GRIN2A: variants seen among roughly 807,000 people sequenced by gnomAD.
GRIN2A encodes glutamate receptor ionotropic, NMDA 2A.
In GRIN2A, 22 loss-of-function variants were observed where a neutral mutation model predicts 113.4. That is an observed-to-expected ratio of 0.19 (90% CI 0.14 to 0.28). The LOEUF (loss-of-function observed/expected upper bound fraction) is 0.28. Among genes scored for constraint, GRIN2A ranks in the 10% least tolerant of loss-of-function variants. The pLI is 1.00. For missense variants in GRIN2A, 1,502 were observed against 1,887.0 expected (o/e 0.80, Z 3.78); for synonymous variants, 827 against 738.4 (o/e 1.12, Z -1.94).
chr16:10,116,183 G>A (rs1328979427), intron 2 of GRIN2A, among the ~76,000 whole-genome samples: 1 of 152,164 alleles, frequency 6.6e-6, no homozygotes, highest in Non-Finnish European at 1.5e-5. Flanking sequence ...CATGGATGAA[G>A]CTGGAAGCCA....
chr16:9,955,287 G>A (rs555775865), intron 2 of GRIN2A, among the ~76,000 whole-genome samples: 11 of 152,018 alleles, frequency 7.2e-5, no homozygotes, highest in South Asian at 2.1e-4. Flanking sequence ...ATGACCTCTC[G>A]GCCACCTTGT....
intron 11 of GRIN2A, among the ~76,000 whole-genome samples, chr16:9,790,717 G>A (rs569790550): frequency 6.6e-6 from 1 of 152,202 alleles, no homozygotes; most frequent in African/African-American, 2.4e-5. Context: ...GAGGTATCTA[G>A]TGTCCTTTCT....
intron 2 of GRIN2A, among the ~76,000 whole-genome samples, chr16:10,084,441 C>T (rs2048046172): frequency 2.0e-5 from 3 of 152,292 alleles, no homozygotes; most frequent in South Asian, 4.1e-4. Flanking sequence ...GGGTCCAACA[C>T]CAAGGCCACT....
At chr16:9,783,766 G>A (rs2141188472) in intron 11 of GRIN2A, among the ~76,000 whole-genome samples, 1 of 152,294 alleles carries the variant, frequency 6.6e-6, no homozygotes, top group Non-Finnish European at 1.5e-5. Context: ...GCCAATCACA[G>A]GATAAAATGT....
At chr16:10,019,424 G>T (rs35973694) in intron 2 of GRIN2A, among the ~76,000 whole-genome samples, 16,371 of 152,262 alleles carry the variant, frequency 0.11, 979 homozygotes, top group Middle Eastern at 0.14. Flanking sequence ...ATTGTCACAA[G>T]GATAGCAAGG....
At chr16:9,933,990 A>T (rs1210183148) in intron 3 of GRIN2A, among the ~76,000 whole-genome samples, 1 of 152,236 alleles carries the variant, frequency 6.6e-6, no homozygotes, top group East Asian at 1.9e-4. Flanking sequence ...ATGGATTTGG[A>T]TGTAAACCAA....
intron 2 of GRIN2A, among the ~76,000 whole-genome samples, chr16:10,106,402 A>C (rs1435495134): frequency 6.6e-6 from 1 of 151,928 alleles, no homozygotes; most frequent in African/African-American, 2.4e-5. Context: ...CTCTATTTAA[A>C]ATTGTTTTAA....
intron 2 of GRIN2A, among the ~76,000 whole-genome samples, chr16:10,133,686 C>T (rs1332766179): frequency 6.6e-6 from 1 of 152,142 alleles, no homozygotes; most frequent in Admixed American, 6.5e-5. Flanking sequence ...TCACCTAAGT[C>T]AAGTACTTAT....
In GRIN2A at chr16:9,894,522, G is replaced by T. The variant is rs1473008347; in HGVS notation, c.1008-3422C>A. Among the ~76,000 whole-genome samples, 3 of 152,018 alleles carry T rather than the reference G, an allele frequency of 2.0e-5. No individual in the cohort carries two copies. The South Asian group carries it at 6.2e-4, about 32-fold the overall frequency. On this transcript the variant is annotated intron_variant, in intron 3 of 12. Coordinates refer to ENST00000330684, the MANE Select transcript of GRIN2A (RefSeq NM_001134407.3). ...GGAGTTTGATGAACTAAATGAACAT[G>T]GTCCAGATACACACAGCTAGGTGTG...
chr16:9,854,027 C>G (rs11863369), intron 4 of GRIN2A, among the ~76,000 whole-genome samples: 516 of 152,118 alleles, frequency 3.4e-3, no homozygotes, highest in African/African-American at 0.011. Context: ...TCCCAGTCTA[C>G]CAGGAATTTT....
intron 2 of GRIN2A, among the ~76,000 whole-genome samples, chr16:10,093,589 T>G (rs1250368892): frequency 6.6e-6 from 1 of 151,708 alleles, no homozygotes; most frequent in Non-Finnish European, 1.5e-5. Context: ...AGTCTCTGGG[T>G]GTTTTAGGGA....
intron 2 of GRIN2A, among the ~76,000 whole-genome samples, chr16:9,987,193 T>A (rs1427785948): frequency 1.3e-5 from 2 of 152,188 alleles, no homozygotes; most frequent in African/African-American, 2.4e-5. Flanking sequence ...TTACTAATTA[T>A]GAAAAAACAG....
At chr16:10,087,298 C>T (rs1422911552) in intron 2 of GRIN2A, among the ~76,000 whole-genome samples, 1 of 152,356 alleles carries the variant, frequency 6.6e-6, no homozygotes, top group African/African-American at 2.4e-5. Context: ...TGTCCCTCCT[C>T]TCTACAGGAC....
At position 9,871,234 on chromosome 16, in the gene GRIN2A, C is replaced by T. The variant is rs550258087; in HGVS notation, c.1122+19752G>A. Among the ~76,000 whole-genome samples, 9 of 152,240 alleles carry T rather than the reference C, an allele frequency of 5.9e-5. No homozygotes were observed. The South Asian group carries it at 1.9e-3, about 32-fold the overall frequency. ...ACCACCAAGCCTCATTCACAAATTA[C>T]AGCAAATATGTGAAAGAACCAGAAA... On this transcript the variant is annotated intron_variant, in intron 4 of 12. Coordinates refer to ENST00000330684, the MANE Select transcript of GRIN2A (RefSeq NM_001134407.3).
intron 2 of GRIN2A, among the ~76,000 whole-genome samples, chr16:9,951,396 T>C (rs1256345497): frequency 6.6e-6 from 1 of 152,222 alleles, no homozygotes; most frequent in Non-Finnish European, 1.5e-5. Context: ...ATACAGAATA[T>C]CATCTGCCCC....
chr16:9,874,669 A>G (rs940975686), intron 4 of GRIN2A, among the ~76,000 whole-genome samples: 7 of 152,162 alleles, frequency 4.6e-5, no homozygotes, highest in African/African-American at 1.7e-4. Context: ...TAGAATCTAG[A>G]CTTTGCCATA....
intron 2 of GRIN2A, among the ~76,000 whole-genome samples, chr16:9,967,393 G>T (rs2045576768): frequency 6.6e-6 from 1 of 152,176 alleles, no homozygotes. Flanking sequence ...GCTAAGCTAT[G>T]ACGATGCAAA....
At chr16:9,893,077 G>C (rs1043025844) in intron 3 of GRIN2A, among the ~76,000 whole-genome samples, 4 of 152,156 alleles carry the variant, frequency 2.6e-5, no homozygotes, top group Non-Finnish European at 5.9e-5. Context: ...GTGTGGGGGA[G>C]AATCTGGTTT....
chr16:9,989,355 G>A (rs943593859), intron 2 of GRIN2A, among the ~76,000 whole-genome samples: 4 of 152,082 alleles, frequency 2.6e-5, no homozygotes, highest in African/African-American at 9.7e-5. Flanking sequence ...GGCTAAATCT[G>A]GACCCCTATC....
Sources: allele counts gnomAD v4.1 joint callset (sites outside exome capture counted in the v4.1 genomes callset), GRCh38; gene constraint gnomAD v4.1.1; transcripts MANE v1.5; gene names NCBI Gene and HGNC (gene_info 2026-07-23, HGNC 2026-07-21).